Variants in OR1L8 observed in about 807,000 individuals in gnomAD.
OR1L8 encodes the protein olfactory receptor 1L8.
For synonymous variants in OR1L8, 148 were observed against 147.0 expected (o/e 1.01, Z -0.05); for missense variants, 330 against 377.4 (o/e 0.87, Z 1.04).
the OR1L8 span, chr9:122,554,138 C>A: frequency 1.9e-6 from 3 of 1,611,992 alleles, no homozygotes; most frequent in South Asian, 3.3e-5. Flanking sequence ...AACTTTTTGT[C>A]AGTGGAAAAA....
intron 3 of OR1L8, among the ~76,000 whole-genome samples, chr9:122,576,273 G>A (rs1250336007): frequency 2.6e-5 from 4 of 151,954 alleles, no homozygotes; most frequent in Non-Finnish European, 4.4e-5. Flanking sequence ...CCAGACTGGA[G>A]TGCAGTGGCA....
At position 122,568,300 on chromosome 9, in the gene OR1L8, T is replaced by A. The variant is rs775233385; in HGVS notation, c.178A>T (p.Met60Leu). The A allele has an allele frequency of 1.2e-6, 2 of 1,613,866 alleles. No homozygotes were observed. Among genetic ancestry groups the A allele is most frequent in the African/African-American group, 2.7e-5 (2 of 74,842 alleles). Residue 60 changes from methionine (M) to leucine (L), a missense_variant, in exon 5 of 5, where the codon ATG (methionine) becomes TTG (leucine). Met to Leu is a conservative substitution (Grantham distance 15). Transcript: ENST00000641027. Reference sequence around the variant, plus strand: ...GACAGAAAACTCAAGAAGAAATACATAGGGGTCTGAAGATGGGGGTTGAAG... The same window carrying A: ...GACAGAAAACTCAAGAAGAAATACAAAGGGGTCTGAAGATGGGGGTTGAAG... Reference protein sequence around the residue: ...IRFNPHLQTPMYFFLSFLSLT... With the variant: ...IRFNPHLQTPLYFFLSFLSLT...
chr9:122,553,178 T>A, the OR1L8 span: 1 of 1,600,558 alleles, frequency 6.2e-7, no homozygotes. Flanking sequence ...ACATGGAAGG[T>A]TTTTATCTGC....
chr9:122,566,527 TAA>T (rs1183198678), downstream of OR1L8, among the ~76,000 whole-genome samples: 1 of 152,090 alleles, frequency 6.6e-6, no homozygotes. Flanking sequence ...AAGGAAGCAG[TAA>T]AGATATATTT....
chr9:122,553,211 G>A, the OR1L8 span: 1 of 1,613,416 alleles, frequency 6.2e-7, no homozygotes, highest in African/African-American at 1.3e-5. Context: ...AACTACAAGG[G>A]ATGGGAAAAC....
chr9:122,568,545 A>C lies in OR1L8; in HGVS notation c.-68T>G. The C allele has an allele frequency of 8.9e-6, 8 of 894,984 alleles. No homozygotes were observed. Among genetic ancestry groups the C allele is most frequent in the South Asian group, 8.5e-5 (5 of 59,084 alleles). The allele number at this position is 894,984 out of a possible 1,614,324, so 55.4% of individuals were successfully genotyped here. On this transcript the variant is annotated 5_prime_UTR_variant, in exon 5 of 5. An upstream start codon of the reference 5' UTR is lost. Coordinates refer to ENST00000641027, the MANE Select transcript of OR1L8 (RefSeq NM_001004454.2). ...ATGCTCTGATTTCATAACACCAATC[A>C]TGAGAACCTAGCAAGTCTTTGTTTC... is the stretch of plus-strand genomic sequence containing the variant.
chr9:122,549,925 A>G, the OR1L8 span, among the ~76,000 whole-genome samples: 1 of 152,090 alleles, frequency 6.6e-6, no homozygotes, highest in Admixed American at 6.6e-5. Context: ...TAGGAATTGC[A>G]TTGAATCTAT....
the OR1L8 span, among the ~76,000 whole-genome samples, chr9:122,558,822 T>C: frequency 6.6e-6 from 1 of 151,996 alleles, no homozygotes; most frequent in African/African-American, 2.4e-5. Context: ...TATCATGCTT[T>C]TAAAATTATT....
At position 122,567,343 on chromosome 9, in the gene OR1L8, G is replaced by T. The variant is rs1455149792; in HGVS notation, c.*205C>A. On this transcript the variant is annotated 3_prime_UTR_variant, in exon 5 of 5. Coordinates refer to ENST00000641027, the MANE Select transcript of OR1L8 (RefSeq NM_001004454.2). ...AAATAAATCTTTCCAAGAAAGAGGA[G>T]ACACAGACAGGAAACGATTGTGATT... is the stretch of plus-strand genomic sequence containing the variant. The T allele has an allele frequency of 2.3e-6, 1 of 437,684 alleles. No individual in the cohort carries two copies. The highest frequency in any genetic ancestry group is 4.0e-6 in the Non-Finnish European group (1 of 249,260). The allele number at this position is 437,684 out of a possible 1,614,324, so 27.1% of individuals were successfully genotyped here.
At chr9:122,547,120 A>T in the OR1L8 span, among the ~76,000 whole-genome samples, 12 of 12,392 alleles carry the variant, frequency 9.7e-4, no homozygotes, top group South Asian at 0.03. Context: ...TGAGCCACAT[A>T]AAAAAATAAT....
chr9:122,579,214 A>G (rs1422483001), intron 1 of OR1L8, among the ~76,000 whole-genome samples: 1 of 151,966 alleles, frequency 6.6e-6, no homozygotes. Flanking sequence ...ATTTGATAGC[A>G]TATTTTGAAT....
chr9:122,569,659 C>CATTTTATTTT (rs56279203), intron 4 of OR1L8, among the ~76,000 whole-genome samples: 25 of 150,498 alleles, frequency 1.7e-4, no homozygotes, highest in African/African-American at 5.1e-4. Flanking sequence ...GAAACAACTT[C>CATTTTATTTT]ATTTTATTTT....
the OR1L8 span, chr9:122,553,877 C>A: frequency 1.3e-5 from 21 of 1,614,086 alleles, no homozygotes; most frequent in East Asian, 4.5e-4. Context: ...TCTCCTATGT[C>A]CGCATTTTCT....
intron 1 of OR1L8, among the ~76,000 whole-genome samples, chr9:122,581,076 G>A (rs1218706701): frequency 6.6e-6 from 1 of 152,072 alleles, no homozygotes; most frequent in Admixed American, 6.6e-5. Context: ...TCATAATAGT[G>A]ACAAATATGG....
chr9:122,553,075 A>G, the OR1L8 span: 1 of 852,594 alleles, frequency 1.2e-6, no homozygotes, highest in Admixed American at 2.5e-5. Flanking sequence ...TCTTATTGGC[A>G]AAGACCATTT....
chr9:122,581,589 G>C (rs1829738570), intron 1 of OR1L8, among the ~76,000 whole-genome samples: 1 of 152,068 alleles, frequency 6.6e-6, no homozygotes, highest in South Asian at 2.1e-4. Context: ...ATAAAATTTA[G>C]AAGTCTAGAA....
downstream of OR1L8, among the ~76,000 whole-genome samples, chr9:122,566,526 G>A (rs1829429016): frequency 6.6e-6 from 1 of 152,056 alleles, no homozygotes; most frequent in South Asian, 2.1e-4. Flanking sequence ...CAAGGAAGCA[G>A]TAAAGATATA....
downstream of OR1L8, among the ~76,000 whole-genome samples, chr9:122,565,369 C>T (rs1355398315): frequency 7.9e-5 from 12 of 152,162 alleles, no homozygotes; most frequent in Non-Finnish European, 1.6e-4. Context: ...TAGGATGACC[C>T]GTTTTGTGGA....
At chr9:122,547,964 G>T in the OR1L8 span, among the ~76,000 whole-genome samples, 4 of 151,996 alleles carry the variant, frequency 2.6e-5, no homozygotes, top group Middle Eastern at 3.4e-3. Context: ...ATTATTTTTT[G>T]ACTTTTACAA....
Sources: allele counts gnomAD v4.1 joint callset (sites outside exome capture counted in the v4.1 genomes callset), GRCh38; gene constraint gnomAD v4.1.1; transcripts MANE v1.5; gene names NCBI Gene and HGNC (gene_info 2026-07-23, HGNC 2026-07-21).